The following PDE1C variants were observed in gnomAD, a reference collection of about 807,000 sequenced individuals.
PDE1C encodes phosphodiesterase 1C.
PDE1C carries 62 observed loss-of-function variants against 93.1 expected under a neutral mutation model. That is an observed-to-expected ratio of 0.67 (90% CI 0.54 to 0.82). The LOEUF (loss-of-function observed/expected upper bound fraction) is 0.82, where lower values mean the gene tolerates loss of function less well. Among genes scored for constraint, PDE1C ranks in the 40% least tolerant of loss-of-function variants. PDE1C has a pLI of 0.00. For synonymous variants in PDE1C, 325 were observed against 310.1 expected, an observed-to-expected ratio of 1.05 and a Z score of -0.50; for missense variants, 742 against 884.6, an observed-to-expected ratio of 0.84 and a Z score of 2.04.
rs187881673 is a variant in PDE1C, at chr7:32,318,726, G to A, written c.310+109096C>T. ...GAATAAAGCGAGAAATCACGACAGAGTTGGTCACGAGGACATTAAGATGCA... is the reference window on the plus strand; with the variant it reads ...GAATAAAGCGAGAAATCACGACAGAATTGGTCACGAGGACATTAAGATGCA... On this transcript the variant is annotated intron_variant, in intron 1 of 1. Transcript: ENST00000672256. 6.1e-4 allele frequency among the ~76,000 whole-genome samples: 93 copies of A among 152,328 alleles called. 1 individual carries two copies. The highest frequency in any genetic ancestry group is 2.1e-3 in the African/African-American group (89 of 41,584).
At position 32,141,489 on chromosome 7, in the gene PDE1C, G is replaced by A. The variant is rs74923693; in HGVS notation, c.308+28296C>T. On this transcript the variant is annotated intron_variant, in intron 3 of 18. Transcript: ENST00000396193. ...ACATATGCCTGGTAGGTTGTGATGA[G>A]GAGAGAACTTCACTTCTGTGATCTT... 4.6e-3 allele frequency among the ~76,000 whole-genome samples: 696 copies of A among 152,328 alleles called. 5 individuals are homozygous for A. The highest frequency in any genetic ancestry group is 0.016 in the African/African-American group (661 of 41,582).
At chr7:31,631,290 G>A in the PDE1C span, among the ~76,000 whole-genome samples, 30 of 152,188 alleles carry the variant, frequency 2.0e-4, no homozygotes, top group Non-Finnish European at 3.8e-4. Context: ...ATATGCGTGC[G>A]TGCACACACA....
At chr7:31,997,828 C>T (rs1357024781) in intron 2 of PDE1C, among the ~76,000 whole-genome samples, 3 of 151,970 alleles carry the variant, frequency 2.0e-5, no homozygotes, top group African/African-American at 7.3e-5. Flanking sequence ...TACATGTGAC[C>T]CTCTCAAATG....
At chr7:32,146,200 C>T (rs1262952304) in intron 3 of PDE1C, among the ~76,000 whole-genome samples, 1 of 152,196 alleles carries the variant, frequency 6.6e-6, no homozygotes, top group African/African-American at 2.4e-5. Flanking sequence ...AGCACTCTCT[C>T]CAGAACACCC....
the PDE1C span, among the ~76,000 whole-genome samples, chr7:31,730,039 A>G: frequency 6.6e-5 from 10 of 152,142 alleles, no homozygotes; most frequent in African/African-American, 2.4e-4. Flanking sequence ...CTCCATCTAT[A>G]CAATGATTTG....
At chr7:32,018,973 A>T (rs1788280925) in intron 2 of PDE1C, among the ~76,000 whole-genome samples, 1 of 151,948 alleles carries the variant, frequency 6.6e-6, no homozygotes. Context: ...ACCATGGAGG[A>T]TACAGTCATG....
At chr7:31,708,803 T>A in the PDE1C span, among the ~76,000 whole-genome samples, 1 of 152,178 alleles carries the variant, frequency 6.6e-6, no homozygotes, top group Non-Finnish European at 1.5e-5. Flanking sequence ...GAGTATATCA[T>A]CCATTGACTC....
At chr7:32,357,042 A>G (rs890347275) in intron 1 of PDE1C, among the ~76,000 whole-genome samples, 2 of 152,182 alleles carry the variant, frequency 1.3e-5, no homozygotes, top group African/African-American at 2.4e-5. Context: ...ATTTGTGTAT[A>G]AAAACTTTAG....
At chr7:32,158,800 G>C (rs1302651123) in intron 3 of PDE1C, among the ~76,000 whole-genome samples, 1 of 152,182 alleles carries the variant, frequency 6.6e-6, no homozygotes, top group Non-Finnish European at 1.5e-5. Context: ...AAGATGGAGA[G>C]CTCCGAAGAT....
intron 2 of PDE1C, among the ~76,000 whole-genome samples, chr7:31,949,882 A>G (rs143241304): frequency 6.6e-6 from 1 of 152,170 alleles, no homozygotes; most frequent in Admixed American, 6.5e-5. Flanking sequence ...TATCATAAAC[A>G]GTTGCTAGTT....
intron 17 of PDE1C, among the ~76,000 whole-genome samples, chr7:31,761,226 A>G (rs1427854969): frequency 1.3e-5 from 2 of 152,218 alleles, no homozygotes; most frequent in Admixed American, 6.5e-5. Context: ...ATCTTGTACC[A>G]AAATGCAGAG....
At chr7:32,202,040 A>G (rs1176238847) in intron 2 of PDE1C, among the ~76,000 whole-genome samples, 1 of 152,182 alleles carries the variant, frequency 6.6e-6, no homozygotes, top group East Asian at 1.9e-4. Flanking sequence ...CCAGGTACTC[A>G]CGGAAGCATC....
chr7:31,746,526 G>A (rs1169242492), downstream of PDE1C, among the ~76,000 whole-genome samples: 1 of 152,168 alleles, frequency 6.6e-6, no homozygotes, highest in Non-Finnish European at 1.5e-5. Context: ...AAGTTCAAGG[G>A]GAATGGGCCT....
At chr7:32,169,770 T>G in intron 3 of PDE1C, 1 of 1,610,072 alleles carries the variant, frequency 6.2e-7, no homozygotes. Flanking sequence ...CACATTGAGT[T>G]GCAATCCACC....
intron 1 of PDE1C, among the ~76,000 whole-genome samples, chr7:32,376,287 C>A (rs1406292467): frequency 6.6e-6 from 1 of 152,248 alleles, no homozygotes; most frequent in African/African-American, 2.4e-5. Flanking sequence ...ATTTTATCTG[C>A]AGTCCAGCTT....
intron 1 of PDE1C, among the ~76,000 whole-genome samples, chr7:32,375,317 A>G (rs747142047): frequency 6.6e-6 from 1 of 152,152 alleles, no homozygotes; most frequent in Non-Finnish European, 1.5e-5. Flanking sequence ...TTAATCCTAT[A>G]GGTCAGCCTC....
intron 6 of PDE1C, among the ~76,000 whole-genome samples, chr7:31,865,652 C>A (rs562569804): frequency 6.6e-6 from 1 of 152,218 alleles, no homozygotes; most frequent in African/African-American, 2.4e-5. Context: ...CAATAAATTG[C>A]CAAGTAACAA....
At chr7:31,837,789 C>A in intron 10 of PDE1C, 81 bp downstream of exon 10, 1 of 846,990 alleles carries the variant, frequency 1.2e-6, no homozygotes, top group Admixed American at 2.0e-5. Context: ...AAAGGAGATG[C>A]TCTTTAAAGG....
the PDE1C span, among the ~76,000 whole-genome samples, chr7:31,654,961 A>G: frequency 6.6e-6 from 1 of 152,028 alleles, no homozygotes; most frequent in South Asian, 2.1e-4. Context: ...TATTTTTCCC[A>G]TGGACTTAAC....
Sources: allele counts gnomAD v4.1 joint callset (sites outside exome capture counted in the v4.1 genomes callset), GRCh38; gene constraint gnomAD v4.1.1; transcripts MANE v1.5; gene names NCBI Gene and HGNC (gene_info 2026-07-23, HGNC 2026-07-21).